MTHFD1L: variants seen among roughly 807,000 people sequenced by gnomAD.
MTHFD1L encodes monofunctional C1-tetrahydrofolate synthase, mitochondrial.
Under a neutral mutation model 119.5 loss-of-function variants are expected in MTHFD1L, and 81 were observed. That is an observed-to-expected ratio of 0.68 (90% CI 0.57 to 0.82). The LOEUF is 0.82. MTHFD1L is among the 40% of genes least tolerant of loss of function. The pLI is 0.00. For missense variants in MTHFD1L, 1,125 were observed against 1,253.4 expected (o/e 0.90, Z 1.55); for synonymous variants, 430 against 475.2 (o/e 0.90, Z 1.24).
intron 7 of MTHFD1L, among the ~76,000 whole-genome samples, chr6:150,891,605 A>T (rs1233716424): frequency 2.7e-5 from 4 of 150,344 alleles, no homozygotes; most frequent in Admixed American, 6.6e-5. Context: ...TGAAGTAAAA[A>T]TATAAAGAAA....
At chr6:150,912,799 C>A in intron 8 of MTHFD1L, 1 of 397,902 alleles carries the variant, frequency 2.5e-6, no homozygotes, top group Middle Eastern at 3.6e-4. Flanking sequence ...CGGATGAGAT[C>A]CTCGTTGGAC....
At chr6:150,968,846 CTTT>C (rs145806257) in intron 19 of MTHFD1L, among the ~76,000 whole-genome samples, 51 of 108,512 alleles carry the variant, frequency 4.7e-4, no homozygotes, top group Non-Finnish European at 6.3e-4. Flanking sequence ...TTAAATAATT[CTTT>C]TTTTTTTTTT....
chr6:150,991,418 A>G lies in MTHFD1L; in HGVS notation c.2126-18401A>G, dbSNP rs565605599. Reference sequence around the variant, plus strand: ...CAATTTGTATGAGATTTATATCTATATATGGAATGAAGAGATATAGAAGTA... The same window carrying G: ...CAATTTGTATGAGATTTATATCTATGTATGGAATGAAGAGATATAGAAGTA... On this transcript the variant is annotated intron_variant, in intron 20 of 27. Coordinates refer to ENST00000367321, the MANE Select transcript of MTHFD1L (RefSeq NM_015440.5). Among the ~76,000 whole-genome samples the G allele has an allele frequency of 8.1e-4, 123 of 152,362 alleles. 1 individual carries two copies. Among genetic ancestry groups the G allele is most frequent in the African/African-American group, 2.6e-3 (110 of 41,592 alleles).
At chr6:150,930,343 G>C (rs918765325) in intron 11 of MTHFD1L, among the ~76,000 whole-genome samples, 1 of 152,180 alleles carries the variant, frequency 6.6e-6, no homozygotes, top group Non-Finnish European at 1.5e-5. Context: ...TTTTACATTT[G>C]ACCAGGTCAA....
intron 12 of MTHFD1L, among the ~76,000 whole-genome samples, chr6:150,937,512 T>C (rs971171256): frequency 1.2e-4 from 19 of 152,230 alleles, no homozygotes; most frequent in Admixed American, 1.2e-3. Context: ...ATTGCTGCAA[T>C]TACAGTTTGT....
At position 150,907,246 on chromosome 6, in the gene MTHFD1L, G is replaced by A. The variant is rs1206375684; in HGVS notation, c.892+1485G>A. The stretch of plus-strand genomic sequence containing the variant: ...TTCTGGAATCTCTTTGAGCTCTGTG[G>A]TTATATGACAGTGACATATATTTTG... On this transcript the variant is annotated intron_variant, in intron 8 of 27. Coordinates refer to ENST00000367321, the MANE Select transcript of MTHFD1L (RefSeq NM_015440.5). Among the ~76,000 whole-genome samples the A allele has an allele frequency of 1.5e-3, 225 of 152,206 alleles. 1 individual carries two copies. The highest frequency in any genetic ancestry group is 3.1e-4 in the Non-Finnish European group (21 of 68,014).
chr6:151,013,394 C>A (rs117097664), intron 21 of MTHFD1L, among the ~76,000 whole-genome samples: 2,093 of 152,206 alleles, frequency 0.014, 18 homozygotes, highest in Non-Finnish European at 0.019. Flanking sequence ...AAAATGATTT[C>A]GAATGGTGAT....
intron 20 of MTHFD1L, among the ~76,000 whole-genome samples, chr6:150,982,424 G>A (rs1196241029): frequency 2.0e-5 from 3 of 152,144 alleles, no homozygotes; most frequent in African/African-American, 4.8e-5. Context: ...TGTAGCACGT[G>A]CATTTGTGCA....
chr6:150,965,384 G>T (rs1797038738), intron 19 of MTHFD1L, among the ~76,000 whole-genome samples: 2 of 152,166 alleles, frequency 1.3e-5, no homozygotes, highest in Admixed American at 1.3e-4. Context: ...TCTGAGGCCA[G>T]GCGCGGCGGC....
chr6:150,985,914 A>C (rs987591019), intron 20 of MTHFD1L, among the ~76,000 whole-genome samples: 9 of 152,290 alleles, frequency 5.9e-5, no homozygotes, highest in African/African-American at 1.9e-4. Context: ...AATGCAGAGA[A>C]TCTTCGGTGG....
intron 18 of MTHFD1L, among the ~76,000 whole-genome samples, chr6:150,963,135 C>T (rs1796696699): frequency 6.6e-6 from 1 of 151,996 alleles, no homozygotes; most frequent in South Asian, 2.1e-4. Context: ...AGGCTGGTCT[C>T]GAACTCCTGA....
chr6:150,959,731 C>T (rs58543802), intron 17 of MTHFD1L, among the ~76,000 whole-genome samples: 1 of 152,186 alleles, frequency 6.6e-6, no homozygotes, highest in Admixed American at 6.5e-5. Context: ...CTGTGCCAGA[C>T]AGACAATGCA....
chr6:151,014,097 C>G (rs1039815895), intron 22 of MTHFD1L, among the ~76,000 whole-genome samples: 1 of 152,168 alleles, frequency 6.6e-6, no homozygotes, highest in African/African-American at 2.4e-5. Context: ...TGGTGGCTCA[C>G]GCCTGTAGTC....
intron 26 of MTHFD1L, among the ~76,000 whole-genome samples, chr6:151,059,684 G>C (rs1215631813): frequency 6.6e-6 from 1 of 152,060 alleles, no homozygotes; most frequent in African/African-American, 2.4e-5. Context: ...AAGCTGCCCG[G>C]AGACTGGCGT....
At position 150,953,003 on chromosome 6, in the gene MTHFD1L, T is replaced by C. The variant is rs1417463087; in HGVS notation, c.1727-2992T>C. Among the ~76,000 whole-genome samples, 4 of 152,276 alleles carry C rather than the reference T, an allele frequency of 2.6e-5. No individual in the cohort carries two copies. In the East Asian group the frequency reaches 7.7e-4, roughly 29 times the overall value. The stretch of plus-strand genomic sequence containing the variant: ...TTTTGCACAGATGAGCCTCTGCCTG[T>C]CCGAGCCCCGGGGCCTCACAGGCTT... On this transcript the variant is annotated intron_variant, in intron 16 of 27. Transcript: ENST00000367321.
At chr6:150,940,753 A>G (rs931015030) in intron 13 of MTHFD1L, among the ~76,000 whole-genome samples, 2 of 151,758 alleles carry the variant, frequency 1.3e-5, no homozygotes, top group Admixed American at 6.6e-5. Flanking sequence ...GCTAATTTTT[A>G]TATTTTAATA....
intron 11 of MTHFD1L, among the ~76,000 whole-genome samples, chr6:150,928,567 T>TC (rs1790448876): frequency 6.6e-6 from 1 of 151,500 alleles, no homozygotes; most frequent in South Asian, 2.1e-4. Context: ...CTTTTTTTTT[T>TC]TTGAGATGAA....
At chr6:151,078,043 A>T in intron 26 of MTHFD1L, among the ~76,000 whole-genome samples, 1 of 85,558 alleles carries the variant, frequency 1.2e-5, no homozygotes, top group South Asian at 5.8e-4. Context: ...ACAGAGCAAG[A>T]CTCTGTCTCA....
At chr6:151,025,005 G>A (rs1036654771) in intron 24 of MTHFD1L, among the ~76,000 whole-genome samples, 9 of 152,096 alleles carry the variant, frequency 5.9e-5, no homozygotes, top group African/African-American at 2.2e-4. Context: ...CATATATTCC[G>A]TTTTTTGGCA....
Sources: allele counts gnomAD v4.1 joint callset (sites outside exome capture counted in the v4.1 genomes callset), GRCh38; gene constraint gnomAD v4.1.1; transcripts MANE v1.5; gene names NCBI Gene and HGNC (gene_info 2026-07-23, HGNC 2026-07-21).